Variants in RIF1 observed in about 807,000 individuals in gnomAD.
The protein encoded by RIF1 is telomere-associated protein RIF1.
RIF1 carries 45 observed loss-of-function variants against 247.1 expected under a neutral mutation model. The ratio of observed to expected loss-of-function variants is 0.18; its 90% CI spans 0.14 to 0.23. RIF1 has a LOEUF of 0.23. Ranked by LOEUF, RIF1 falls within the 10% of genes least tolerant of loss-of-function variation. The pLI is 1.00. For synonymous variants in RIF1, 1,087 were observed against 978.8 expected (o/e 1.11, Z -2.06); for missense variants, 2,967 against 2,862.5 (o/e 1.04, Z -0.83).
Position 151,457,857 on chromosome 2 carries a change from T to C in RIF1, c.2749T>C (p.Cys917Arg), listed in dbSNP as rs1220934060. 18 of 1,613,842 alleles carry C rather than the reference T, an allele frequency of 1.1e-5. No individual in the cohort carries two copies. The highest frequency in any genetic ancestry group is 3.3e-5 in the Admixed American group (2 of 60,020). ...ELLEQLSPLL[C>R]IIFLHKNKQI... ...TCTTGAACAACTCTCCCCACTATTA[T>C]GCATAATATTTCTGCACAAGAATAA... The change falls in exon 24 of 36, where the codon TGC (cysteine) becomes CGC (arginine). Residue 917 changes from cysteine to arginine, a missense_variant. Physicochemically the swap from Cys to Arg is radical, Grantham distance 180. Transcript: ENST00000444746.
chr2:151,526,352 T>C, the RIF1 span: 550 of 876,546 alleles, frequency 6.3e-4, no homozygotes, highest in Non-Finnish European at 9.1e-4. Flanking sequence ...AACAGCAGCG[T>C]TGACAATACT....
the RIF1 span, chr2:151,527,414 ATAAT>A: frequency 3.4e-6 from 4 of 1,163,818 alleles, no homozygotes; most frequent in Non-Finnish European, 5.0e-6. Flanking sequence ...GTTATTATAA[ATAAT>A]TATTCATTGT....
Position 151,464,290 on chromosome 2 carries a change from G to A in RIF1, c.4770G>A (p.Val1590=), listed in dbSNP as rs1031643749. Residue 1590 remains valine, a synonymous_variant, in exon 30 of 36, where the codon GTG becomes GTA. Coordinates refer to ENST00000444746, the MANE Select transcript of RIF1 (RefSeq NM_018151.5). ...TTCAAGATCAAGAAGAGAAAGTGGTGAAACAGGAATGTATAAAAGCTGAAA... is the reference window on the plus strand; with the variant it reads ...TTCAAGATCAAGAAGAGAAAGTGGTAAAACAGGAATGTATAAAAGCTGAAA... ...VDIQDQEEKV[V]KQECIKAENQ... is the part of the protein sequence containing the mutation. The A allele has an allele frequency of 1.2e-6, 2 of 1,613,406 alleles. No homozygotes were observed. The highest frequency in any genetic ancestry group is 8.5e-7 in the Non-Finnish European group (1 of 1,179,864).
intron 4 of RIF1, 31 bp from the exon 5 acceptor site, chr2:151,416,530 C>T: frequency 6.4e-7 from 1 of 1,560,714 alleles, no homozygotes; most frequent in Non-Finnish European, 8.7e-7. Flanking sequence ...ATCACCTATT[C>T]TATACAAAAT....
chr2:151,424,887 G>A (rs1314167947), intron 8 of RIF1, among the ~76,000 whole-genome samples: 4 of 120,630 alleles, frequency 3.3e-5, no homozygotes, highest in Admixed American at 1.1e-4. Flanking sequence ...GGGTTTTGCC[G>A]TGCTGCTCAG....
At position 151,460,018 on chromosome 2, in the gene RIF1, A is replaced by G; in HGVS notation, c.2974A>G (p.Asn992Asp). The change falls in exon 26 of 36, where the codon AAT (asparagine) becomes GAT (aspartate). Residue 992 changes from asparagine to aspartate, a missense_variant. Around this residue, in one of 7 missense-constraint regions of RIF1, gnomAD observed 2,028 missense variants for 1,825.6 expected, o/e 1.11. Coordinates refer to ENST00000444746, the MANE Select transcript of RIF1 (RefSeq NM_018151.5). ...AAAACAGACAGAAAATTCACAACTA[A>G]ATGTGAAGATAAGTGGCATGGAGAG... ...YSDGTENSQLNVKISGMERKS... is the reference protein window; with the variant it reads ...YSDGTENSQLDVKISGMERKS... 1 of 1,544,234 alleles carries G rather than the reference A, an allele frequency of 6.5e-7. No homozygotes were observed. Among genetic ancestry groups the G allele is most frequent in the East Asian group, 2.3e-5 (1 of 43,088 alleles).
chr2:151,426,746 A>G (rs1242135717), intron 8 of RIF1, among the ~76,000 whole-genome samples: 1 of 151,322 alleles, frequency 6.6e-6, no homozygotes, highest in East Asian at 1.9e-4. Context: ...TCCCGGGTTC[A>G]AGTGATTCTC....
chr2:151,413,644 A>G (rs985476040), intron 3 of RIF1, among the ~76,000 whole-genome samples: 2 of 152,222 alleles, frequency 1.3e-5, no homozygotes, highest in African/African-American at 4.8e-5. Flanking sequence ...GAGATACACT[A>G]GTAGCTCTCA....
intron 24 of RIF1, 85 bp downstream of exon 24, chr2:151,458,048 T>A (rs970382165): frequency 4.2e-6 from 4 of 941,354 alleles, no homozygotes; most frequent in Non-Finnish European, 6.5e-6. Context: ...AATCTTTTCT[T>A]ATGGGGTATT....
At chr2:151,512,294 A>G (rs2075116845), downstream of RIF1, among the ~76,000 whole-genome samples, 1 of 151,826 alleles carries the variant, frequency 6.6e-6, no homozygotes, top group African/African-American at 2.4e-5. Flanking sequence ...TCGGCCTCCC[A>G]AAGTGCTGGG....
the RIF1 span, among the ~76,000 whole-genome samples, chr2:151,523,991 C>T: frequency 7.6e-4 from 115 of 152,222 alleles, no homozygotes; most frequent in African/African-American, 2.5e-3. Flanking sequence ...AATCAGACCC[C>T]GAGGATGAAA....
At chr2:151,418,350 G>A (rs530045374) in intron 6 of RIF1, among the ~76,000 whole-genome samples, 22 of 152,088 alleles carry the variant, frequency 1.4e-4, no homozygotes, top group African/African-American at 4.8e-4. Context: ...GATTATAGGC[G>A]TCAGCCACCA....
chr2:151,410,381 C>G, intron 1 of RIF1, 33 bp from the exon 2 acceptor site: 1 of 1,568,778 alleles, frequency 6.4e-7, no homozygotes, highest in Non-Finnish European at 8.7e-7. Context: ...CCATCGGTCA[C>G]TGGATTTTCT....
At chr2:151,494,705 A>G (rs558788763) in intron 9 of RIF1, among the ~76,000 whole-genome samples, 68 of 152,116 alleles carry the variant, frequency 4.5e-4, no homozygotes, top group African/African-American at 9.9e-4. Flanking sequence ...CTGGAGTGCA[A>G]TGGCACGATC....
At chr2:151,468,231 T>C (rs1223931385) in intron 31 of RIF1, 85 bp downstream of exon 31, 7 of 1,249,812 alleles carry the variant, frequency 5.6e-6, no homozygotes, top group African/African-American at 3.0e-5. Flanking sequence ...GAACTATATA[T>C]GTGAAAAACT....
chr2:151,418,058 AG>A (rs760607229), intron 6 of RIF1, among the ~76,000 whole-genome samples: 2 of 152,178 alleles, frequency 1.3e-5, no homozygotes, highest in Non-Finnish European at 2.9e-5. Context: ...TTAGGACTGA[AG>A]GTTCTTTGGG....
At chr2:151,432,863 A>C (rs547295834) in intron 9 of RIF1, among the ~76,000 whole-genome samples, 102 of 152,316 alleles carry the variant, frequency 6.7e-4, no homozygotes, top group Admixed American at 3.8e-3. Flanking sequence ...GTTTTAAAAT[A>C]TATTTTTGAT....
intron 21 of RIF1, 92 bp downstream of exon 21, chr2:151,451,797 A>C: frequency 1.8e-5 from 12 of 667,556 alleles, no homozygotes; most frequent in East Asian, 2.6e-5. Context: ...TTGCCACCTC[A>C]TTTTACTAAC....
At chr2:151,416,170 G>A (rs1687193401) in intron 4 of RIF1, among the ~76,000 whole-genome samples, 1 of 152,198 alleles carries the variant, frequency 6.6e-6, no homozygotes, top group Admixed American at 6.6e-5. Flanking sequence ...CTGTTTTTGA[G>A]GGAAAAGCTG....
Sources: allele counts gnomAD v4.1 joint callset (sites outside exome capture counted in the v4.1 genomes callset), GRCh38; gene constraint gnomAD v4.1.1; regional missense constraint gnomAD v4.1.1; transcripts MANE v1.5; gene names NCBI Gene and HGNC (gene_info 2026-07-23, HGNC 2026-07-21).